ATP11C: variants seen among roughly 807,000 people sequenced by gnomAD.
ATP11C encodes the protein ATPase phospholipid transporting 11C (ATP11C blood group), also known as phospholipid-transporting ATPase IG.
A neutral mutation model predicts 97.4 loss-of-function variants in ATP11C; 36 were observed. That is an observed-to-expected ratio of 0.37 (90% confidence interval 0.28 to 0.49). The LOEUF (loss-of-function observed/expected upper bound fraction) is 0.49, where lower values mean the gene tolerates loss of function less well. ATP11C is among the 20% of genes least tolerant of loss of function. The pLI, the probability that ATP11C is intolerant of heterozygous loss-of-function variation, is 0.98. For missense variants in ATP11C, 730 were observed against 824.6 expected (o/e 0.89, Z 1.40); for synonymous variants, 275 against 290.9 (o/e 0.95, Z 0.56).
At chrX:139,782,417 A>C in intron 18 of ATP11C, 130 bp downstream of exon 18, 1 of 399,158 alleles carries the variant, frequency 2.5e-6, no homozygotes. Context: ...TGCTATAATA[A>C]ATAAATCTTT....
intron 27 of ATP11C, among the ~76,000 whole-genome samples, chrX:139,739,758 CAGATGCTGATTACATAGATTCAT>C (rs2081518056): frequency 9.0e-6 from 1 of 111,313 alleles, no homozygotes; most frequent in African/African-American, 3.3e-5. Context: ...ATAATTAGTT[CAGATGCTGATTACATAGATTCAT>C]AGAATTATGG....
At chrX:139,765,072 C>A (rs947668901) in intron 20 of ATP11C, among the ~76,000 whole-genome samples, 8 of 110,722 alleles carry the variant, frequency 7.2e-5, no homozygotes, top group Non-Finnish European at 1.5e-4. Context: ...AAAACATAGA[C>A]TAAAAAGAGT....
intron 1 of ATP11C, among the ~76,000 whole-genome samples, chrX:139,888,728 A>T (rs939708457): frequency 1.8e-5 from 2 of 110,878 alleles, no homozygotes; most frequent in African/African-American, 6.6e-5. Flanking sequence ...CCAGTATGAA[A>T]ATGTACCCAG....
intron 27 of ATP11C, 95 bp from the exon 28 acceptor site, chrX:139,738,164 A>C (rs753006233): frequency 1.4e-6 from 1 of 728,492 alleles, no homozygotes; most frequent in South Asian, 4.0e-5. Flanking sequence ...TTTAAAAAGA[A>C]TCTTCCTTAC....
intron 1 of ATP11C, among the ~76,000 whole-genome samples, chrX:139,883,792 C>T (rs989656846): frequency 9.0e-6 from 1 of 111,194 alleles, no homozygotes; most frequent in African/African-American, 3.3e-5. Context: ...ATAGACAAAT[C>T]GAAGATATCA....
At chrX:139,748,809 A>T (rs2148646784) in intron 24 of ATP11C, among the ~76,000 whole-genome samples, 1 of 111,920 alleles carries the variant, frequency 8.9e-6, no homozygotes, top group African/African-American at 3.2e-5. Context: ...GTTAACCTAA[A>T]CATTAAAAGA....
Position 139,788,181 on chromosome X carries a change from G to A in ATP11C, c.1520+11C>T. ...ACTTTCTTAGGAGAAGTATAAGAAA[G>A]TATACTTTACCTTTTAGCTCCTTTC... On this transcript the variant is annotated intron_variant, in intron 14 of 29. Transcript: ENST00000682941. The A allele has an allele frequency of 1.7e-6, 2 of 1,187,015 alleles. No homozygotes were observed. The highest frequency in any genetic ancestry group is 2.3e-6 in the Non-Finnish European group (2 of 880,539).
At chrX:139,734,597 G>C (rs1011545793) in intron 28 of ATP11C, among the ~76,000 whole-genome samples, 2 of 111,327 alleles carry the variant, frequency 1.8e-5, no homozygotes, top group East Asian at 2.9e-4. Context: ...CTGTGCTTAG[G>C]GGGGACACAA....
intron 28 of ATP11C, among the ~76,000 whole-genome samples, chrX:139,734,245 A>C (rs1172644940): frequency 9.0e-6 from 1 of 111,506 alleles, no homozygotes; most frequent in Non-Finnish European, 1.9e-5. Flanking sequence ...ATTCTCCAAA[A>C]TTTCCAAAAT....
chrX:139,810,921 T>G (rs930281934), intron 5 of ATP11C, among the ~76,000 whole-genome samples: 8 of 110,366 alleles, frequency 7.2e-5, no homozygotes, highest in Admixed American at 5.8e-4. Flanking sequence ...GTTATGGTCT[T>G]GTATTTTTAT....
chrX:139,760,254 A>G (rs2082010705), intron 22 of ATP11C, among the ~76,000 whole-genome samples: 1 of 111,857 alleles, frequency 8.9e-6, no homozygotes, highest in Admixed American at 9.5e-5. Flanking sequence ...CATTTTTTAA[A>G]AAGTGATTTT....
At position 139,741,008 on chromosome X, in the gene ATP11C, G is replaced by A; in HGVS notation, c.3117C>T (p.Phe1039=). ...TTGCTTACCAAATAATTCCTCCCCA[G>A]AAGAATGAGAAAAATACATAGAAGG... is the stretch of plus-strand genomic sequence containing the variant. ...SLAFYVFFSF[F]WGGIIWPFLK... is the part of the protein sequence containing the mutation. The change falls in exon 27 of 30, where the codon TTC becomes TTT. Residue 1039 remains phenylalanine, a synonymous_variant. Coordinates refer to ENST00000682941, the MANE Select transcript of ATP11C (RefSeq NM_001353812.2). The A allele has an allele frequency of 1.7e-6, 2 of 1,195,938 alleles. No individual in the cohort carries two copies. Among genetic ancestry groups the A allele is most frequent in the Non-Finnish European group, 2.3e-6 (2 of 882,046 alleles).
chrX:139,816,775 G>C, intron 4 of ATP11C, 88 bp downstream of exon 4: 1 of 557,412 alleles, frequency 1.8e-6, no homozygotes, highest in Non-Finnish European at 3.0e-6. Flanking sequence ...ACTACCCACT[G>C]TATATAAATA....
intron 1 of ATP11C, among the ~76,000 whole-genome samples, chrX:139,887,259 AAAATAGAAGC>A (rs2084657488): frequency 8.9e-6 from 1 of 112,222 alleles, no homozygotes; most frequent in African/African-American, 3.2e-5. Flanking sequence ...ATTTCTAGAA[AAAATAGAAGC>A]AAATATTCAT....
At chrX:139,847,067 TCC>T (rs929198474) in intron 1 of ATP11C, among the ~76,000 whole-genome samples, 1 of 110,739 alleles carries the variant, frequency 9.0e-6, no homozygotes, top group African/African-American at 3.3e-5. Context: ...TTGTTTCCCT[TCC>T]CTCTCTCTCT....
chrX:139,868,576 A>G (rs180745001), intron 1 of ATP11C, among the ~76,000 whole-genome samples: 2,826 of 107,454 alleles, frequency 0.026, 37 homozygotes, highest in Middle Eastern at 0.042. Flanking sequence ...AAAAAAAAAA[A>G]TTAGCCAGGC....
At chrX:139,842,778 T>C (rs745982170) in intron 1 of ATP11C, among the ~76,000 whole-genome samples, 5 of 112,124 alleles carry the variant, frequency 4.5e-5, no homozygotes, top group Non-Finnish European at 3.8e-5. Flanking sequence ...AAAATCTTTG[T>C]ATAATTCACA....
At chrX:139,794,768 C>T (rs2082759847) in intron 12 of ATP11C, among the ~76,000 whole-genome samples, 1 of 111,881 alleles carries the variant, frequency 8.9e-6, no homozygotes, top group Non-Finnish European at 1.9e-5. Flanking sequence ...TGGAACCTGA[C>T]CCGGGCATCT....
At chrX:139,906,840 T>C (rs761565639) in intron 1 of ATP11C, among the ~76,000 whole-genome samples, 1 of 110,776 alleles carries the variant, frequency 9.0e-6, no homozygotes, top group African/African-American at 3.3e-5. Context: ...AGGCCTTGTA[T>C]TGCTTGCAGT....
Sources: gnomAD v4.1 joint callset for allele counts (sites outside exome capture counted in the v4.1 genomes callset) on GRCh38, gnomAD v4.1.1 for gene constraint, MANE v1.5 for transcripts, NCBI Gene and HGNC (gene_info 2026-07-23, HGNC 2026-07-21) for gene names.